The following USP32 variants were observed in gnomAD, a reference collection of about 807,000 sequenced individuals.
USP32 encodes the protein ubiquitin specific peptidase 32, also known as ubiquitin carboxyl-terminal hydrolase 32.
USP32 carries 59 observed loss-of-function variants against 204.8 expected under a neutral mutation model. That is an observed-to-expected ratio of 0.29 (90% CI 0.23 to 0.36). The LOEUF is 0.36. Among genes scored for constraint, USP32 ranks in the 10% least tolerant of loss-of-function variants. The probability of loss-of-function intolerance (pLI) is 1.00; values close to 1 mark genes in which losing one functional copy is unlikely to be tolerated. For missense variants in USP32, 1,160 were observed against 1,946.4 expected (o/e 0.60, Z 7.60); for synonymous variants, 517 against 678.4 (o/e 0.76, Z 3.70).
In USP32 at chr17:60,269,523, A is replaced by G. The variant is rs777416634; in HGVS notation, c.738T>C (p.Asn246=). Residue 246 remains asparagine (N), a synonymous_variant, in exon 7 of 34, where the codon AAT becomes AAC. Coordinates refer to ENST00000300896, the MANE Select transcript of USP32 (RefSeq NM_032582.4). ...AGGATATCTCCTTAAAATCTATGTG[A>G]TTGTCACGATTTTCATCAAAAGCAT... ...LFNAFDENRD[N]HIDFKEISCG... is the part of the protein sequence containing the mutation. 1 of 1,610,776 alleles carries G rather than the reference A, an allele frequency of 6.2e-7. No individual in the cohort carries two copies. Among genetic ancestry groups the G allele is most frequent in the South Asian group, 1.1e-5 (1 of 90,258 alleles).
intron 2 of USP32, 109 bp from the exon 3 acceptor site, chr17:60,301,813 G>A: frequency 2.8e-6 from 2 of 702,304 alleles, no homozygotes; most frequent in Non-Finnish European, 4.8e-6. Flanking sequence ...ACAGGCCCTG[G>A]TAAATTTTAG....
intron 12 of USP32, among the ~76,000 whole-genome samples, chr17:60,234,259 G>A (rs544566585): frequency 6.6e-6 from 1 of 151,280 alleles, no homozygotes; most frequent in Admixed American, 6.6e-5. Context: ...GACCATAGGC[G>A]CCTGCCACCA....
intron 1 of USP32, among the ~76,000 whole-genome samples, chr17:60,417,293 A>T (rs777360793): frequency 6.6e-6 from 1 of 151,754 alleles, no homozygotes; most frequent in Non-Finnish European, 1.5e-5. Flanking sequence ...CCACTTATGA[A>T]GTGTAGCATA....
intron 2 of USP32, among the ~76,000 whole-genome samples, chr17:60,311,561 G>A (rs1460784961): frequency 2.6e-5 from 4 of 152,172 alleles, no homozygotes; most frequent in Non-Finnish European, 4.4e-5. Flanking sequence ...AGTGGCTCAC[G>A]CCTGTAATCC....
chr17:60,368,991 A>ATTTTTTTTTT lies in USP32; in HGVS notation c.58+22881_58+22890dup, dbSNP rs758528054. Among the ~76,000 whole-genome samples the ATTTTTTTTTT allele has an allele frequency of 9.0e-4, 103 of 114,128 alleles. 13 individuals are homozygous for ATTTTTTTTTT. The highest frequency in any genetic ancestry group is 4.9e-3 in the African/African-American group (95 of 19,582). 74.9% of individuals were successfully genotyped at this position (114,128 alleles called of 152,430 possible). A position where few individuals can be genotyped will look rare whatever the true frequency, so the allele number is the denominator to read the frequency against. On this transcript the variant is annotated intron_variant, in intron 1 of 33. Coordinates refer to ENST00000300896, the MANE Select transcript of USP32 (RefSeq NM_032582.4). ...ACATACACGAATTATTTTTTAAAAG[A>ATTTTTTTTTT]TTTTTTTTTTTTTTTTTTTTTGAGA...
intron 12 of USP32, among the ~76,000 whole-genome samples, chr17:60,229,083 G>T (rs1209271118): frequency 6.6e-6 from 1 of 151,670 alleles, no homozygotes; most frequent in African/African-American, 2.4e-5. Flanking sequence ...TATAGCAAAG[G>T]CTCTTTTTTT....
At position 60,255,196 on chromosome 17, in the gene USP32, C is replaced by T. The variant is rs2145722346; in HGVS notation, c.1053G>A (p.Glu351=). Residue 351 remains glutamate (E), a synonymous_variant, in exon 10 of 34, where the codon GAG becomes GAA. Transcript: ENST00000300896. Reference sequence around the variant, plus strand: ...ATACCTGGAAAAGGAGGTTCAAAAACTCATTGGCAAGAACATTTTTCACAC... The same window carrying T: ...ATACCTGGAAAAGGAGGTTCAAAAATTCATTGGCAAGAACATTTTTCACAC... ...IWSVKNVLAN[E]FLNLLFQVCH... 2.5e-6 allele frequency: 4 copies of T among 1,613,144 alleles called. No homozygotes were observed. The highest frequency in any genetic ancestry group is 1.6e-4 in the Middle Eastern group (1 of 6,082).
In USP32 at chr17:60,198,373, A is replaced by G; in HGVS notation, c.3321T>C (p.Val1107=). 6.2e-7 allele frequency: 1 copy of G among 1,614,168 alleles called. No individual in the cohort carries two copies. Among genetic ancestry groups the G allele is most frequent in the Non-Finnish European group, 8.5e-7 (1 of 1,180,014 alleles). The change falls in exon 27 of 34, where the codon GTT becomes GTC. Residue 1107 remains valine, a synonymous_variant. Coordinates refer to ENST00000300896, the MANE Select transcript of USP32 (RefSeq NM_032582.4). ...TCTTCCGGGTATGCACAGTACATGG[A>G]ACAATCAATGGCATTCCAAAGAGGC... ...RPSLFGMPLI[V]PCTVHTRKKD... is the part of the protein sequence containing the mutation.
rs1452708982 is a variant in USP32, at chr17:60,233,016, T to C, written c.1239+3122A>G. 2.0e-5 allele frequency among the ~76,000 whole-genome samples: 3 copies of C among 152,214 alleles called. No individual in the cohort carries two copies. The East Asian group carries it at 5.8e-4, about 29-fold the overall frequency. Reference sequence around the variant, plus strand: ...TAAATAGATATTACTATTAATCTCATTGTTCATATGTGAAAACTGAGGTAG... The same window carrying C: ...TAAATAGATATTACTATTAATCTCACTGTTCATATGTGAAAACTGAGGTAG... On this transcript the variant is annotated intron_variant, in intron 12 of 33. Coordinates refer to ENST00000300896, the MANE Select transcript of USP32 (RefSeq NM_032582.4).
chr17:60,327,415 CG>C (rs1482921900), intron 2 of USP32, among the ~76,000 whole-genome samples: 1 of 13,108 alleles, frequency 7.6e-5, no homozygotes. Context: ...TGGTGGGGGG[CG>C]GGGGGGAGGC....
chr17:60,290,969 C>T (rs1322492016), intron 4 of USP32, among the ~76,000 whole-genome samples: 1 of 152,100 alleles, frequency 6.6e-6, no homozygotes, highest in African/African-American at 2.4e-5. Context: ...AGAGCTAATA[C>T]CAAATGTTTA....
intron 1 of USP32, among the ~76,000 whole-genome samples, chr17:60,358,235 C>T (rs143648237): frequency 2.0e-5 from 3 of 152,260 alleles, no homozygotes; most frequent in Non-Finnish European, 4.4e-5. Context: ...TCACTTATAA[C>T]ATTGTTTCTA....
At chr17:60,369,616 A>T (rs934275163) in intron 1 of USP32, among the ~76,000 whole-genome samples, 4 of 152,194 alleles carry the variant, frequency 2.6e-5, no homozygotes, top group Admixed American at 2.6e-4. Flanking sequence ...TGACATATAC[A>T]AAATTTTAAC....
At chr17:60,328,395 C>G (rs771454104) in intron 2 of USP32, among the ~76,000 whole-genome samples, 4 of 152,246 alleles carry the variant, frequency 2.6e-5, no homozygotes, top group Non-Finnish European at 5.9e-5. Flanking sequence ...AGAAAAGCTA[C>G]CCCTTCTGCT....
chr17:60,236,120 G>A lies in USP32; in HGVS notation c.1239+18C>T. ...GAAAATCCTGTGAAAAATGTAAATA[G>A]ACAGGAATCTAACTCACGTATTTGA... On this transcript the variant is annotated intron_variant, in intron 12 of 33. Transcript: ENST00000300896. 6.3e-7 allele frequency: 1 copy of A among 1,599,486 alleles called. No individual in the cohort carries two copies. Among genetic ancestry groups the A allele is most frequent in the Non-Finnish European group, 8.6e-7 (1 of 1,167,254 alleles).
chr17:60,402,246 CTTTTTTTTTT>C (rs761342227), intron 1 of USP32, among the ~76,000 whole-genome samples: 1 of 118,450 alleles, frequency 8.4e-6, no homozygotes, highest in Non-Finnish European at 1.7e-5. Context: ...CCTCATTTAT[CTTTTTTTTTT>C]TTTTTTTTTT....
chr17:60,211,471 G>A lies in USP32; in HGVS notation c.2223C>T (p.Asn741=). The part of the protein sequence containing the change: ...KGATGLSNLG[N]TCFMNSSIQC... Reference sequence around the variant, plus strand: ...GGATGCTTGAGTTCATGAAGCATGTGTTTCCCAGATTGCTTAGACCTGTGG... The same window carrying A: ...GGATGCTTGAGTTCATGAAGCATGTATTTCCCAGATTGCTTAGACCTGTGG... Residue 741 remains asparagine (N), a synonymous_variant, in exon 20 of 34, where the codon AAC becomes AAT. Transcript: ENST00000300896. The A allele has an allele frequency of 3.1e-6, 5 of 1,613,804 alleles. No homozygotes were observed. Among genetic ancestry groups the A allele is most frequent in the Non-Finnish European group, 4.2e-6 (5 of 1,179,790 alleles).
intron 5 of USP32, among the ~76,000 whole-genome samples, chr17:60,276,319 T>C (rs987884645): frequency 6.6e-6 from 1 of 152,180 alleles, no homozygotes; most frequent in Non-Finnish European, 1.5e-5. Context: ...ACTGAATTTA[T>C]TTAAAAGGAG....
Position 60,345,548 on chromosome 17 carries a change from T to C in USP32, c.119A>G (p.Tyr40Cys), listed in dbSNP as rs1484438729. The C allele has an allele frequency of 1.9e-6, 3 of 1,614,212 alleles. No homozygotes were observed. The highest frequency in any genetic ancestry group is 2.5e-6 in the Non-Finnish European group (3 of 1,180,030). Residue 40 changes from tyrosine to cysteine, a missense_variant, in exon 2 of 34, where the codon TAT becomes TGT. Around this residue, in one of 8 missense-constraint regions of USP32, gnomAD observed 536 missense variants for 680.9 expected, o/e 0.79. Coordinates refer to ENST00000300896, the MANE Select transcript of USP32 (RefSeq NM_032582.4). ...DAFKRTCGLS[Y>C]YMGQHCFIRE... ...GATGAAGCAGTGCTGGCCCATGTAATATGAGAGTCCACAGGTCCTCTTGAA... is the reference window on the plus strand; with the variant it reads ...GATGAAGCAGTGCTGGCCCATGTAACATGAGAGTCCACAGGTCCTCTTGAA...
Sources: allele counts gnomAD v4.1 joint callset (sites outside exome capture counted in the v4.1 genomes callset), GRCh38; gene constraint gnomAD v4.1.1; regional missense constraint gnomAD v4.1.1; transcripts MANE v1.5; gene names NCBI Gene and HGNC (gene_info 2026-07-23, HGNC 2026-07-21).